The following ZC3HC1 variants were observed in gnomAD, a reference collection of about 807,000 sequenced individuals.
ZC3HC1 encodes zinc finger C3HC-type containing 1.
ZC3HC1 carries 38 observed loss-of-function variants against 61.9 expected under a neutral mutation model. The observed-to-expected ratio is 0.61, with a 90% CI of 0.47 to 0.81. ZC3HC1 has a LOEUF of 0.81. Ranked by LOEUF, ZC3HC1 falls within the 30% of genes least tolerant of loss-of-function variation. The pLI is 0.00. For synonymous variants in ZC3HC1, 213 were observed against 229.9 expected, an observed-to-expected ratio of 0.93 and a Z score of 0.67; for missense variants, 554 against 622.7, an observed-to-expected ratio of 0.89 and a Z score of 1.17.
intron 9 of ZC3HC1, among the ~76,000 whole-genome samples, chr7:130,018,997 T>G (rs1469453690): frequency 1.3e-5 from 2 of 152,114 alleles, no homozygotes; most frequent in Non-Finnish European, 1.5e-5. Flanking sequence ...ATCTTTGTAC[T>G]TGAGGATGAC....
At chr7:130,045,183 T>C (rs189576003) in intron 2 of ZC3HC1, 1 of 168,710 alleles carries the variant, frequency 5.9e-6, no homozygotes, top group African/African-American at 2.4e-5. Flanking sequence ...GTAGGAAATA[T>C]TTGGGAGTAG....
intron 4 of ZC3HC1, among the ~76,000 whole-genome samples, chr7:130,030,794 G>A (rs768093208): frequency 4.8e-4 from 72 of 151,042 alleles, no homozygotes; most frequent in Non-Finnish European, 5.8e-4. Context: ...TCAGCCTCCC[G>A]AGTAGCTGGG....
At chr7:130,048,772 T>C (rs755070997) in intron 2 of ZC3HC1, among the ~76,000 whole-genome samples, 12 of 152,180 alleles carry the variant, frequency 7.9e-5, no homozygotes, top group African/African-American at 2.2e-4. Flanking sequence ...TGATAATATA[T>C]ACAAAAACAT....
intron 2 of ZC3HC1, chr7:130,043,682 A>C (rs779945528): frequency 5.2e-5 from 17 of 325,334 alleles, no homozygotes; most frequent in Non-Finnish European, 1.0e-4. Context: ...AACAAGGAAG[A>C]TGTCAGAGCC....
chr7:130,043,671 G>C (rs972225649), intron 2 of ZC3HC1: 1 of 320,044 alleles, frequency 3.1e-6, no homozygotes, highest in Non-Finnish European at 6.0e-6. Flanking sequence ...ATTAGGCGGT[G>C]AACAAGGAAG....
rs79210108 is a variant in ZC3HC1 at position 130,040,556 on chromosome 7, T to C, written c.409+395A>G. On this transcript the variant is annotated intron_variant, in intron 3 of 9. Transcript: ENST00000358303. ...CACTATGGCTTACCCCTGTAATCTC[T>C]GCACTTTAGGAGGCCAAGGTGGGCG... 2.3e-3 allele frequency among the ~76,000 whole-genome samples: 345 copies of C among 149,910 alleles called. 4 individuals carry two copies. The East Asian group carries it at 0.04, about 17-fold the overall frequency.
At chr7:130,047,023 C>T (rs1232415248) in intron 2 of ZC3HC1, among the ~76,000 whole-genome samples, 1 of 152,086 alleles carries the variant, frequency 6.6e-6, no homozygotes, top group African/African-American at 2.4e-5. Flanking sequence ...AGTGCAGTGG[C>T]ATGATCTCGG....
chr7:130,043,496 T>C lies in ZC3HC1; in HGVS notation c.259-2395A>G, dbSNP rs111899932. 6.0e-3 allele frequency: 956 copies of C among 159,462 alleles called. 5 individuals are homozygous for C. The highest frequency in any genetic ancestry group is 9.5e-3 in the Non-Finnish European group (689 of 72,262). The allele number at this position is 159,462 out of a possible 1,614,324, so 9.9% of individuals were successfully genotyped here. A position where few individuals can be genotyped will look rare whatever the true frequency, so the allele number is the denominator to read the frequency against. On this transcript the variant is annotated intron_variant, in intron 2 of 9. Transcript: ENST00000358303. ...TGATTATCTAGAATAAAAGTAATGG[T>C]TAAATAAATAATCATCATATCCAAA...
chr7:130,035,389 CAAA>C (rs1418163522), intron 4 of ZC3HC1, among the ~76,000 whole-genome samples: 1 of 59,210 alleles, frequency 1.7e-5, no homozygotes. Context: ...GAGACTGTCT[CAAA>C]AAAAAAAAAA....
intron 3 of ZC3HC1, 181 bp from the exon 4 acceptor site, chr7:130,039,728 A>G (rs1304866145): frequency 4.0e-6 from 2 of 501,630 alleles, no homozygotes; most frequent in Admixed American, 3.8e-5. Flanking sequence ...TCCTAAGATC[A>G]ACAAAGGAGA....
intron 4 of ZC3HC1, among the ~76,000 whole-genome samples, chr7:130,034,263 A>G (rs939434240): frequency 6.7e-6 from 1 of 149,734 alleles, no homozygotes; most frequent in African/African-American, 2.5e-5. Context: ...AGGCGGGCGT[A>G]TCACGAGGTC....
At chr7:130,040,728 C>T (rs1000519987) in intron 3 of ZC3HC1, among the ~76,000 whole-genome samples, 1 of 150,748 alleles carries the variant, frequency 6.6e-6, no homozygotes, top group East Asian at 1.9e-4. Flanking sequence ...ATCGCTTGAG[C>T]CCAGGAGGTT....
At chr7:130,028,859 G>GC (rs748177659) in intron 5 of ZC3HC1, 43 bp downstream of exon 5, 24 of 1,594,566 alleles carry the variant, frequency 1.5e-5, no homozygotes, top group Non-Finnish European at 2.1e-5. Flanking sequence ...ATAAATGCTG[G>GC]CAACAACTGG....
At chr7:130,026,511 C>T (rs1793916932) in intron 5 of ZC3HC1, 199 bp from the exon 6 acceptor site, 2 of 475,248 alleles carry the variant, frequency 4.2e-6, no homozygotes, top group African/African-American at 2.0e-5. Flanking sequence ...TGCCCTGAAT[C>T]TGCTGACTGA....
In ZC3HC1 at chr7:130,023,809, T is replaced by C. The variant is rs1434332617; in HGVS notation, c.1021-86A>G. 2 of 1,239,908 alleles carry C rather than the reference T, an allele frequency of 1.6e-6. No individual in the cohort carries two copies. Among genetic ancestry groups the C allele is most frequent in the Non-Finnish European group, 2.2e-6 (2 of 906,832 alleles). The allele number at this position is 1,239,908 out of a possible 1,614,324, so 76.8% of individuals were successfully genotyped here. ...ACTTCTTTCTTTAATCTTTTTTCTT[T>C]TTTTTTTTGAGACAGAGTCTCGCTT... On this transcript the variant is annotated intron_variant, in intron 7 of 9. Transcript: ENST00000358303. This position sits in a 1 kb window ranked among gnomAD's most constrained non-coding sequence, Gnocchi z 4.2.
At chr7:130,024,536 CAA>C (rs1389477475) in intron 6 of ZC3HC1, 30 bp from the exon 7 acceptor site, 3 of 1,578,928 alleles carry the variant, frequency 1.9e-6, no homozygotes, top group Non-Finnish European at 2.6e-6. Context: ...AGAGTTTTCT[CAA>C]AGTGTAACAT....
At chr7:130,040,913 G>A in intron 3 of ZC3HC1, 38 bp downstream of exon 3, 1 of 1,570,594 alleles carries the variant, frequency 6.4e-7, no homozygotes, top group Non-Finnish European at 8.6e-7. Flanking sequence ...GTATATATTT[G>A]AGTGTGGAGA....
At position 130,023,733 on chromosome 7, in the gene ZC3HC1, A is replaced by AG; in HGVS notation, c.1021-11dup. 1 of 1,605,870 alleles carries AG rather than the reference A, an allele frequency of 6.2e-7. No individual in the cohort carries two copies. Among genetic ancestry groups the AG allele is most frequent in the Non-Finnish European group, 8.5e-7 (1 of 1,173,458 alleles). ...CAGGGCTCTTTTCAGCCTGAAGGAA[A>AG]GGGGAGATAATGGAAGTACACGAAT... On this transcript the variant is annotated splice_polypyrimidine_tract_variant and intron_variant, in intron 7 of 9. Transcript: ENST00000358303. This position sits in a 1 kb window ranked among gnomAD's most constrained non-coding sequence, Gnocchi z 4.2.
chr7:130,040,886 C>A (rs974719292), intron 3 of ZC3HC1, 65 bp downstream of exon 3: 5 of 1,443,234 alleles, frequency 3.5e-6, no homozygotes, highest in African/African-American at 2.9e-5. Flanking sequence ...TTTTTCCCCC[C>A]CCAGAAAACC....
Sources: gnomAD v4.1 joint callset for allele counts (sites outside exome capture counted in the v4.1 genomes callset) on GRCh38, gnomAD v4.1.1 for gene constraint, Gnocchi (gnomAD v3.1) non-coding constraint, MANE v1.5 for transcripts, NCBI Gene and HGNC (gene_info 2026-07-23, HGNC 2026-07-21) for gene names.